IL31RA: variants seen among roughly 807,000 people sequenced by gnomAD.
The protein encoded by IL31RA is interleukin 31 receptor A, also known as interleukin-31 receptor subunit alpha.
In IL31RA, 66 loss-of-function variants were observed where a neutral mutation model predicts 83.7. That is an observed-to-expected ratio of 0.79 (90% CI 0.65 to 0.97). The LOEUF (loss-of-function observed/expected upper bound fraction) is 0.97, where lower values mean the gene tolerates loss of function less well. Ranked by LOEUF, IL31RA falls within the 50% of genes least tolerant of loss-of-function variation. The pLI, the probability that IL31RA is intolerant of heterozygous loss-of-function variation, is 0.00. For missense variants in IL31RA, 798 were observed against 919.4 expected, an observed-to-expected ratio of 0.87 and a Z score of 1.71; for synonymous variants, 325 against 329.0, an observed-to-expected ratio of 0.99 and a Z score of 0.13.
At chr5:55,887,003 G>GT (rs1747658717) in intron 5 of IL31RA, among the ~76,000 whole-genome samples, 1 of 152,156 alleles carries the variant, frequency 6.6e-6, no homozygotes, top group Admixed American at 6.5e-5. Context: ...AGGGACCTTA[G>GT]TTTTCATCTG....
chr5:55,843,579 A>C, the IL31RA span, among the ~76,000 whole-genome samples: 8 of 152,162 alleles, frequency 5.3e-5, no homozygotes, highest in African/African-American at 1.7e-4. Flanking sequence ...TATCTTCACT[A>C]TCATAGTGGA....
At chr5:55,872,768 C>T (rs982060207) in intron 4 of IL31RA, among the ~76,000 whole-genome samples, 6 of 151,968 alleles carry the variant, frequency 3.9e-5, no homozygotes, top group Non-Finnish European at 8.8e-5. Flanking sequence ...CCCACCACCC[C>T]ACCCTGCCAA....
upstream of IL31RA, among the ~76,000 whole-genome samples, chr5:55,850,551 C>G (rs3846519): frequency 0.61 from 93,469 of 152,084 alleles, 29,672 homozygotes; most frequent in South Asian, 0.73. Flanking sequence ...GAAGGTTTAA[C>G]TAATATTTCT....
upstream of IL31RA, among the ~76,000 whole-genome samples, chr5:55,848,523 G>A (rs183633795): frequency 5.3e-5 from 8 of 151,958 alleles, no homozygotes; most frequent in East Asian, 3.9e-4. Flanking sequence ...TTGTATTTTC[G>A]TTGCCCAAGT....
chr5:55,869,041 G>A, intron 3 of IL31RA, 133 bp downstream of exon 3: 1 of 744,906 alleles, frequency 1.3e-6, no homozygotes, highest in South Asian at 1.4e-5. Context: ...ACTGTGTGCA[G>A]CCAGTGGCTT....
intron 12 of IL31RA, among the ~76,000 whole-genome samples, chr5:55,911,754 C>T (rs62361954): frequency 0.19 from 29,338 of 152,022 alleles, 3,130 homozygotes; most frequent in Middle Eastern, 0.31. Context: ...TTTTTAAGTA[C>T]GTACTAAAAC....
At chr5:55,844,756 C>CG in the IL31RA span, among the ~76,000 whole-genome samples, 1 of 178 alleles carries the variant, frequency 5.6e-3, no homozygotes, top group Non-Finnish European at 0.013. Context: ...GTATGTTACA[C>CG]CTTTGCAGTT....
chr5:55,860,292 C>T (rs1051545353), intron 2 of IL31RA, among the ~76,000 whole-genome samples: 2 of 152,062 alleles, frequency 1.3e-5, no homozygotes, highest in Non-Finnish European at 2.9e-5. Flanking sequence ...TCACTTGAAC[C>T]TGGGAGGCGG....
chr5:55,840,022 T>C, the IL31RA span: 1 of 481,440 alleles, frequency 2.1e-6, no homozygotes, highest in Non-Finnish European at 4.0e-6. Context: ...GTGCCCAACA[T>C]CATTGTCTCT....
At chr5:55,842,408 G>A in the IL31RA span, among the ~76,000 whole-genome samples, 17 of 152,216 alleles carry the variant, frequency 1.1e-4, no homozygotes, top group Admixed American at 5.2e-4. Flanking sequence ...GTATATGAGA[G>A]GTATAGTCAA....
At position 55,920,293 on chromosome 5, in the gene IL31RA, G is replaced by C. The variant is rs1420347412; in HGVS notation, c.*3173G>C. 1.3e-5 allele frequency among the ~76,000 whole-genome samples: 2 copies of C among 152,232 alleles called. No homozygotes were observed. Among genetic ancestry groups the C allele is most frequent in the African/African-American group, 4.8e-5 (2 of 41,464 alleles). On this transcript the variant is annotated 3_prime_UTR_variant, in exon 15 of 15. Transcript: ENST00000652347. ...CAGTCTGATTCTGTCCCCATTTCCA[G>C]CACGCCCCTAGTTACTCCTGCTGCA...
chr5:55,851,269 T>C (rs1009346020), upstream of IL31RA: 3 of 464,982 alleles, frequency 6.5e-6, no homozygotes, highest in African/African-American at 5.9e-5. Context: ...CATTGTTGAT[T>C]CATCAACATT....
At chr5:55,873,033 A>G (rs548558439) in intron 4 of IL31RA, among the ~76,000 whole-genome samples, 1 of 152,270 alleles carries the variant, frequency 6.6e-6, no homozygotes, top group Admixed American at 6.5e-5. Context: ...ATTGCCCTCA[A>G]AAGAAAATTC....
chr5:55,877,688 G>C (rs1245371530), intron 4 of IL31RA, among the ~76,000 whole-genome samples: 1 of 152,092 alleles, frequency 6.6e-6, no homozygotes, highest in African/African-American at 2.4e-5. Context: ...TGGGCTCTAA[G>C]GTTTTTGCTG....
At chr5:55,877,317 G>A (rs570122972) in intron 4 of IL31RA, among the ~76,000 whole-genome samples, 1 of 152,180 alleles carries the variant, frequency 6.6e-6, no homozygotes, top group African/African-American at 2.4e-5. Flanking sequence ...ATACCATAAA[G>A]CTATAATTGT....
intron 2 of IL31RA, among the ~76,000 whole-genome samples, chr5:55,864,878 A>T (rs1169167911): frequency 6.6e-6 from 1 of 151,384 alleles, no homozygotes; most frequent in Non-Finnish European, 1.5e-5. Flanking sequence ...CATTTTACAC[A>T]TGACATACAC....
At chr5:55,843,988 A>AT in the IL31RA span, among the ~76,000 whole-genome samples, 21 of 151,378 alleles carry the variant, frequency 1.4e-4, no homozygotes, top group African/African-American at 3.2e-4. Flanking sequence ...TAATTCATGA[A>AT]TTTTTTTTTA....
At position 55,918,545 on chromosome 5, in the gene IL31RA, T is replaced by C. The variant is rs1429801814; in HGVS notation, c.*1425T>C. Among the ~76,000 whole-genome samples, 1 of 152,178 alleles carries C rather than the reference T, an allele frequency of 6.6e-6. No individual in the cohort carries two copies. Among genetic ancestry groups the C allele is most frequent in the East Asian group, 1.9e-4 (1 of 5,200 alleles). On this transcript the variant is annotated 3_prime_UTR_variant, in exon 15 of 15. Transcript: ENST00000652347. ...CCCCTGTCCTGCCTGGGACTGGCTC[T>C]GAGTGCCGAGGATGTTCAATGGCGC...
At chr5:55,870,061 T>A (rs918860604) in intron 3 of IL31RA, among the ~76,000 whole-genome samples, 1 of 152,188 alleles carries the variant, frequency 6.6e-6, no homozygotes, top group African/African-American at 2.4e-5. Context: ...AGCAAATTTC[T>A]CTTCTAAAGG....
Sources: allele counts gnomAD v4.1 joint callset (sites outside exome capture counted in the v4.1 genomes callset), GRCh38; gene constraint gnomAD v4.1.1; transcripts MANE v1.5; gene names NCBI Gene and HGNC (gene_info 2026-07-23, HGNC 2026-07-21).